S100A8: variants seen among roughly 807,000 people sequenced by gnomAD.
The protein encoded by S100A8 is protein S100-A8.
Under a neutral mutation model 4.2 loss-of-function variants are expected in S100A8, and 1 was observed. The ratio of observed to expected loss-of-function variants is 0.24; its 90% confidence interval spans 0.08 to 1.12. The LOEUF (loss-of-function observed/expected upper bound fraction) is 1.12. Among genes scored for constraint, S100A8 ranks in the 50% most tolerant of loss-of-function variants. S100A8 has a pLI of 0.53. For synonymous variants in S100A8, 41 were observed against 44.7 expected, an observed-to-expected ratio of 0.92 and a Z score of 0.33; for missense variants, 96 against 111.8, an observed-to-expected ratio of 0.86 and a Z score of 0.64.
intron 1 of S100A8, chr1:153,390,811 C>G (rs1662076296): frequency 1.9e-6 from 1 of 527,252 alleles, no homozygotes; most frequent in African/African-American, 1.9e-5. Flanking sequence ...TACCACCCCA[C>G]CCTCTGCTCA....
the S100A8 span, among the ~76,000 whole-genome samples, chr1:153,408,695 A>T: frequency 1.3e-5 from 2 of 152,238 alleles, no homozygotes; most frequent in Admixed American, 1.3e-4. Context: ...CAAAGTTGAA[A>T]TGAAGGAAAA....
At chr1:153,416,562 TG>T in the S100A8 span, 1 of 486,692 alleles carries the variant, frequency 2.1e-6, no homozygotes, top group Non-Finnish European at 4.1e-6. Flanking sequence ...TTCCCAGTTC[TG>T]GTAAGTCTCA....
the S100A8 span, among the ~76,000 whole-genome samples, chr1:153,409,529 G>C: frequency 1.3e-5 from 2 of 152,042 alleles, no homozygotes; most frequent in Admixed American, 1.3e-4. Context: ...AATAATAATG[G>C]GAGACTTTAA....
the S100A8 span, among the ~76,000 whole-genome samples, chr1:153,404,220 G>T: frequency 3.3e-5 from 5 of 151,790 alleles, no homozygotes; most frequent in African/African-American, 4.9e-5. Flanking sequence ...ACAGTTCTCT[G>T]AACCCCATCG....
At chr1:153,409,073 C>T in the S100A8 span, among the ~76,000 whole-genome samples, 9 of 152,138 alleles carry the variant, frequency 5.9e-5, no homozygotes, top group East Asian at 1.9e-4. Flanking sequence ...CATCAACTAA[C>T]GAGCAAAATA....
At chr1:153,408,595 G>A in the S100A8 span, among the ~76,000 whole-genome samples, 6 of 152,256 alleles carry the variant, frequency 3.9e-5, no homozygotes, top group South Asian at 1.0e-3. Flanking sequence ...TAGCAAGGCA[G>A]GCTAACATTC....
At chr1:153,412,181 T>A in the S100A8 span, among the ~76,000 whole-genome samples, 6 of 152,058 alleles carry the variant, frequency 3.9e-5, no homozygotes, top group African/African-American at 1.5e-4. Context: ...GAAACTACCA[T>A]CAGAGTGAAC....
the S100A8 span, among the ~76,000 whole-genome samples, chr1:153,412,910 C>T: frequency 6.6e-6 from 1 of 152,218 alleles, no homozygotes; most frequent in African/African-American, 2.4e-5. Flanking sequence ...CACATGTTCT[C>T]ACTCATAGGT....
upstream of S100A8, among the ~76,000 whole-genome samples, chr1:153,391,728 T>C (rs908307037): frequency 3.3e-5 from 5 of 152,196 alleles, no homozygotes; most frequent in African/African-American, 1.2e-4. Context: ...AAGCTGGGGA[T>C]GGACCATGCC....
At chr1:153,404,158 A>G in the S100A8 span, among the ~76,000 whole-genome samples, 1 of 152,206 alleles carries the variant, frequency 6.6e-6, no homozygotes, top group South Asian at 2.1e-4. Context: ...TGGAGCTCCC[A>G]GGCCCACTCC....
chr1:153,419,276 T>C, the S100A8 span: 42 of 1,614,194 alleles, frequency 2.6e-5, no homozygotes, highest in East Asian at 7.4e-4. Context: ...AGCAGAGCCA[T>C]GGAGCGGCGC....
At chr1:153,422,385 T>A in the S100A8 span, 24 of 412,250 alleles carry the variant, frequency 5.8e-5, no homozygotes, top group Non-Finnish European at 7.8e-5. Flanking sequence ...AGTGTCATAT[T>A]GATCAGAATT....
the S100A8 span, among the ~76,000 whole-genome samples, chr1:153,415,339 T>C: frequency 6.6e-6 from 1 of 152,116 alleles, no homozygotes; most frequent in Admixed American, 6.5e-5. Flanking sequence ...AGGTCCCACC[T>C]AGGGAGACAT....
chr1:153,418,004 A>C, the S100A8 span: 3 of 1,585,100 alleles, frequency 1.9e-6, no homozygotes, highest in South Asian at 3.4e-5. Context: ...TCCTTCTAAC[A>C]CCCCCACATA....
upstream of S100A8, among the ~76,000 whole-genome samples, chr1:153,394,401 G>T (rs1290046952): frequency 6.6e-6 from 1 of 152,126 alleles, no homozygotes; most frequent in Non-Finnish European, 1.5e-5. Context: ...TCAGGCGATG[G>T]TCTTCATGCC....
chr1:153,419,542 A>G, the S100A8 span: 1 of 570,522 alleles, frequency 1.8e-6, no homozygotes, highest in Non-Finnish European at 3.1e-6. Context: ...TGCCTCTCAC[A>G]CAGGTCCTGG....
the S100A8 span, among the ~76,000 whole-genome samples, chr1:153,410,576 T>C: frequency 6.6e-6 from 1 of 152,158 alleles, no homozygotes; most frequent in Non-Finnish European, 1.5e-5. Flanking sequence ...TACCATTCCT[T>C]CTGAAACTAT....
At chr1:153,419,108 T>C in the S100A8 span, 6 of 1,606,098 alleles carry the variant, frequency 3.7e-6, no homozygotes, top group African/African-American at 1.3e-5. Flanking sequence ...TTGTTTGTGA[T>C]TGAATTTTTC....
At chr1:153,402,069 G>T in the S100A8 span, among the ~76,000 whole-genome samples, 5 of 152,182 alleles carry the variant, frequency 3.3e-5, no homozygotes, top group African/African-American at 1.2e-4. Flanking sequence ...GAGAAAGAAA[G>T]GGTACATTAT....
Sources: gnomAD v4.1 joint callset for allele counts (sites outside exome capture counted in the v4.1 genomes callset) on GRCh38, gnomAD v4.1.1 for gene constraint, MANE v1.5 for transcripts, NCBI Gene and HGNC (gene_info 2026-07-23, HGNC 2026-07-21) for gene names.